Variants in CYTH3 observed in about 807,000 individuals in gnomAD.
CYTH3 encodes the protein cytohesin-3.
In CYTH3, 23 loss-of-function variants were observed where a neutral mutation model predicts 55.1. That is an observed-to-expected ratio of 0.42 (90% confidence interval 0.30 to 0.59). CYTH3 has a LOEUF of 0.59. Ranked by LOEUF, CYTH3 falls within the 20% of genes least tolerant of loss-of-function variation. The probability of loss-of-function intolerance (pLI) is 0.20; values close to 1 mark genes in which losing one functional copy is unlikely to be tolerated. For missense variants in CYTH3, 413 were observed against 524.8 expected (o/e 0.79, Z 2.08); for synonymous variants, 249 against 194.9 (o/e 1.28, Z -2.31).
chr7:6,222,291 G>A (rs1365817542), intron 1 of CYTH3, among the ~76,000 whole-genome samples: 1 of 152,214 alleles, frequency 6.6e-6, no homozygotes, highest in African/African-American at 2.4e-5. Context: ...GATACCAAAT[G>A]AGCACCTGTC....
chr7:6,170,477 G>C lies in CYTH3; in HGVS notation c.823+58C>G. 2 of 1,513,358 alleles carry C rather than the reference G, an allele frequency of 1.3e-6. 1 individual carries two copies. The highest frequency in any genetic ancestry group is 3.8e-5 in the Admixed American group (2 of 53,302). The allele number at this position is 1,513,358 out of a possible 1,614,324, so 93.7% of individuals were successfully genotyped here. ...TACGATGAGCCTGGGAGGAACCCGA[G>C]GGGCTGCTGCCATGGGCAGAGGGGT... is the stretch of plus-strand genomic sequence containing the variant. On this transcript the variant is annotated intron_variant, in intron 9 of 12. Coordinates refer to ENST00000350796, the MANE Select transcript of CYTH3 (RefSeq NM_004227.4). The surrounding 1 kb of genome is among the most constrained non-coding windows in gnomAD (Gnocchi z 7.8).
At position 6,164,759 on chromosome 7, in the gene CYTH3, C is replaced by G; in HGVS notation, c.*185G>C. 1 of 700,246 alleles carries G rather than the reference C, an allele frequency of 1.4e-6. No homozygotes were observed. The allele number at this position is 700,246 out of a possible 1,614,324, so 43.4% of individuals were successfully genotyped here. A position where few individuals can be genotyped will look rare whatever the true frequency, so the allele number is the denominator to read the frequency against. ...AGCAGCAGCTTGCACTGCAGGGCGA[C>G]CACCTCCCAGGACCCCAGCCACGGC... is the stretch of plus-strand genomic sequence containing the variant. On this transcript the variant is annotated 3_prime_UTR_variant, in exon 13 of 13. Transcript: ENST00000350796.
In CYTH3 at chr7:6,190,438, T is replaced by C; in HGVS notation, c.117+11A>G. 6.7e-7 allele frequency: 1 copy of C among 1,484,756 alleles called. No individual in the cohort carries two copies. The highest frequency in any genetic ancestry group is 8.8e-7 in the Non-Finnish European group (1 of 1,131,316). 92.0% of individuals were successfully genotyped at this position (1,484,756 alleles called of 1,614,324 possible). On this transcript the variant is annotated intron_variant, in intron 2 of 12. Transcript: ENST00000350796. The stretch of plus-strand genomic sequence containing the variant: ...AGTTTTGGATTTTTGGTTTTTTTTT[T>C]TTTTTTTTACCTCAATGTCATCAAT...
chr7:6,165,699 C>T, intron 10 of CYTH3, 35 bp downstream of exon 10: 2 of 1,613,768 alleles, frequency 1.2e-6, no homozygotes, highest in Non-Finnish European at 1.7e-6. Context: ...TCCGGGACTG[C>T]TGGGAGGCGG....
In CYTH3 at chr7:6,167,501, C is replaced by T. The variant is rs770509689; in HGVS notation, c.824-1691G>A. 6.6e-6 allele frequency among the ~76,000 whole-genome samples: 1 copy of T among 152,246 alleles called. No homozygotes were observed. The highest frequency in any genetic ancestry group is 2.4e-5 in the African/African-American group (1 of 41,466). On this transcript the variant is annotated intron_variant, in intron 9 of 12. Transcript: ENST00000350796. The surrounding 1 kb of genome is among the most constrained non-coding windows in gnomAD (Gnocchi z 5.5). Reference sequence around the variant, plus strand: ...CCTCCAGAGACTCCAGAGCAGGCCCCGCTCCAGCTGCACTGGTGCCAGCTG... The same window carrying T: ...CCTCCAGAGACTCCAGAGCAGGCCCTGCTCCAGCTGCACTGGTGCCAGCTG...
At chr7:6,218,897 T>G (rs1048523572) in intron 1 of CYTH3, among the ~76,000 whole-genome samples, 2 of 149,104 alleles carry the variant, frequency 1.3e-5, no homozygotes, top group Non-Finnish European at 3.0e-5. Context: ...CCCAGCTACT[T>G]GGGAGGCTGA....
rs778149345 is a variant in CYTH3 at position 6,170,667 on chromosome 7, A to C, written c.712-21T>G. Reference sequence around the variant, plus strand: ...AAATTCTGCAAGGAGGGAAAACAGCAGCCAGTTCAGAGACTCGGAGGAAAA... The same window carrying C: ...AAATTCTGCAAGGAGGGAAAACAGCCGCCAGTTCAGAGACTCGGAGGAAAA... On this transcript the variant is annotated intron_variant, in intron 8 of 12. Transcript: ENST00000350796. This position sits in a 1 kb window ranked among gnomAD's most constrained non-coding sequence, Gnocchi z 7.8. 1 of 1,608,710 alleles carries C rather than the reference A, an allele frequency of 6.2e-7. No individual in the cohort carries two copies. Among genetic ancestry groups the C allele is most frequent in the Non-Finnish European group, 8.5e-7 (1 of 1,177,064 alleles).
At chr7:6,250,103 G>A (rs956432870) in intron 1 of CYTH3, among the ~76,000 whole-genome samples, 21 of 152,072 alleles carry the variant, frequency 1.4e-4, no homozygotes, top group African/African-American at 4.8e-4. Context: ...CCACCACTGG[G>A]ATCACACTGG....
At chr7:6,253,505 A>G (rs1050647245) in intron 1 of CYTH3, among the ~76,000 whole-genome samples, 5 of 151,732 alleles carry the variant, frequency 3.3e-5, no homozygotes, top group Admixed American at 2.6e-4. Flanking sequence ...CATCGCACCC[A>G]GCCACCAAAA....
At chr7:6,267,926 T>C (rs1780544762) in intron 1 of CYTH3, among the ~76,000 whole-genome samples, 1 of 152,216 alleles carries the variant, frequency 6.6e-6, no homozygotes, top group Admixed American at 6.5e-5. Context: ...TTAGAAAAAG[T>C]GAAGACAGAT....
intron 1 of CYTH3, among the ~76,000 whole-genome samples, chr7:6,270,961 G>A (rs974473919): frequency 6.6e-6 from 1 of 152,170 alleles, no homozygotes; most frequent in African/African-American, 2.4e-5. Context: ...AAGCCAGCTA[G>A]CTGCCTTGAC....
intron 1 of CYTH3, among the ~76,000 whole-genome samples, chr7:6,223,179 T>C (rs1779128001): frequency 6.6e-6 from 1 of 151,442 alleles, no homozygotes; most frequent in Admixed American, 6.6e-5. Context: ...GGGGGGCGCC[T>C]CTGCCCGGCC....
chr7:6,190,428 GTT>G lies in CYTH3; in HGVS notation c.117+19_117+20del, dbSNP rs377416706. ...CAAAAAACAGAGTTTTGGATTTTTG[GTT>G]TTTTTTTTTTTTTTTTACCTCAATG... is the stretch of plus-strand genomic sequence containing the variant. On this transcript the variant is annotated intron_variant, in intron 2 of 12. Transcript: ENST00000350796. The G allele has an allele frequency of 0.054, 63,345 of 1,171,886 alleles. No homozygotes were observed. Among genetic ancestry groups the G allele is most frequent in the Non-Finnish European group, 0.055 (50,212 of 909,788 alleles). 72.6% of individuals were successfully genotyped at this position (1,171,886 alleles called of 1,614,324 possible). A position where few individuals can be genotyped will look rare whatever the true frequency, so the allele number is the denominator to read the frequency against.
rs548785385 is a variant in CYTH3 at position 6,208,993 on chromosome 7, C to T, written c.35-18462G>A. 5.6e-3 allele frequency among the ~76,000 whole-genome samples: 847 copies of T among 152,328 alleles called. 1 individual carries two copies. Among genetic ancestry groups the T allele is most frequent in the Non-Finnish European group, 8.8e-3 (597 of 68,022 alleles). On this transcript the variant is annotated intron_variant, in intron 1 of 12. Coordinates refer to ENST00000350796, the MANE Select transcript of CYTH3 (RefSeq NM_004227.4). ...CAGGGCTCTGAATTTTAACAAGCTT[C>T]CCAAATGACTTTGTTGAACAGGGAA...
intron 4 of CYTH3, among the ~76,000 whole-genome samples, chr7:6,181,326 C>T (rs1025091430): frequency 3.9e-5 from 6 of 152,170 alleles, no homozygotes; most frequent in African/African-American, 9.7e-5. Context: ...TACACAATTC[C>T]TAGACATCAG....
chr7:6,170,631 T>C lies in CYTH3; in HGVS notation c.727A>G (p.Ile243Val). ...GGGATCTTAAATGGCTCGTTCTTAA[T>C]GCTCTCATACAAATTCTGCAAGGAG... ...EELLRNLYES[I>V]KNEPFKIPED... is the part of the protein sequence containing the mutation. Residue 243 changes from isoleucine (I) to valine (V), a missense_variant, in exon 9 of 13, where the codon ATT (isoleucine) becomes GTT (valine). By Grantham distance (29) the Ile-to-Val change is conservative (BLOSUM62 3). This residue lies in a region of CYTH3 where 156 missense variants were observed against 233.1 expected (regional missense o/e 0.67). Coordinates refer to ENST00000350796, the MANE Select transcript of CYTH3 (RefSeq NM_004227.4). This position sits in a 1 kb window ranked among gnomAD's most constrained non-coding sequence, Gnocchi z 7.8. The C allele has an allele frequency of 6.2e-7, 1 of 1,613,914 alleles. No homozygotes were observed. The highest frequency in any genetic ancestry group is 8.5e-7 in the Non-Finnish European group (1 of 1,179,858).
In CYTH3 at chr7:6,177,809, C is replaced by T; in HGVS notation, c.368+14G>A. ...GTGGCCCCAGGTAGGGCTTTGCATC[C>T]TCCTCTAACTCACCTTTCACCCAGG... On this transcript the variant is annotated intron_variant, in intron 5 of 12. Coordinates refer to ENST00000350796, the MANE Select transcript of CYTH3 (RefSeq NM_004227.4). 6.3e-7 allele frequency: 1 copy of T among 1,598,250 alleles called. No homozygotes were observed. Among genetic ancestry groups the T allele is most frequent in the Non-Finnish European group, 8.6e-7 (1 of 1,165,946 alleles).
chr7:6,238,814 T>C (rs1196844332), intron 1 of CYTH3, among the ~76,000 whole-genome samples: 2 of 152,130 alleles, frequency 1.3e-5, no homozygotes, highest in African/African-American at 2.4e-5. Flanking sequence ...GGGAGCTCTT[T>C]ATTTTCTGCT....
chr7:6,238,921 T>A (rs905143881), intron 1 of CYTH3, among the ~76,000 whole-genome samples: 4 of 151,430 alleles, frequency 2.6e-5, no homozygotes, highest in African/African-American at 9.7e-5. Flanking sequence ...ATAATAATAA[T>A]AATAAAAAAA....
Sources: allele counts gnomAD v4.1 joint callset (sites outside exome capture counted in the v4.1 genomes callset), GRCh38; gene constraint gnomAD v4.1.1; regional missense constraint gnomAD v4.1.1; non-coding constraint Gnocchi (gnomAD v3.1); transcripts MANE v1.5; gene names NCBI Gene and HGNC (gene_info 2026-07-23, HGNC 2026-07-21).